Variants in PRLR observed in about 807,000 individuals in gnomAD.
PRLR encodes the protein hPRL receptor.
A neutral mutation model predicts 40.2 loss-of-function variants in PRLR; 13 were observed. The observed-to-expected ratio is 0.32, with a 90% confidence interval of 0.21 to 0.51. The LOEUF is 0.51. PRLR is among the 20% of genes least tolerant of loss of function. The probability of loss-of-function intolerance (pLI) is 0.97; values close to 1 mark genes in which losing one functional copy is unlikely to be tolerated. For missense variants in PRLR, 656 were observed against 747.3 expected, an observed-to-expected ratio of 0.88 and a Z score of 1.42; for synonymous variants, 269 against 278.7, an observed-to-expected ratio of 0.97 and a Z score of 0.35.
chr5:35,171,375 G>T (rs1474723121), intron 1 of PRLR, among the ~76,000 whole-genome samples: 1 of 152,158 alleles, frequency 6.6e-6, no homozygotes, highest in Non-Finnish European at 1.5e-5. Context: ...TAAAACTTGA[G>T]CCTGCCCAGC....
chr5:35,067,996 C>T (rs929724286), intron 9 of PRLR, among the ~76,000 whole-genome samples: 2 of 152,134 alleles, frequency 1.3e-5, no homozygotes, highest in Non-Finnish European at 2.9e-5. Context: ...TCCATGTTTT[C>T]TTGGCTTTCT....
intron 5 of PRLR, among the ~76,000 whole-genome samples, chr5:35,082,635 C>A (rs1166493420): frequency 6.6e-6 from 1 of 152,198 alleles, no homozygotes; most frequent in East Asian, 1.9e-4. Flanking sequence ...TAAGTGTTTT[C>A]AATGTAACTA....
intron 1 of PRLR, among the ~76,000 whole-genome samples, chr5:35,214,292 T>C (rs901971788): frequency 6.6e-6 from 1 of 152,214 alleles, no homozygotes; most frequent in African/African-American, 2.4e-5. Context: ...GCTCTTCAGA[T>C]AGTATTTGGC....
rs138640081 is a variant in PRLR, at chr5:35,065,283, C to T, written c.1675G>A (p.Val559Met). The T allele has an allele frequency of 3.1e-6, 5 of 1,614,040 alleles. No homozygotes were observed. Among genetic ancestry groups the T allele is most frequent in the African/African-American group, 2.7e-5 (2 of 74,918 alleles). The change falls in exon 10 of 10, where the codon GTG becomes ATG. Residue 559 changes from valine (V) to methionine (M), a missense_variant. This residue lies in a region of PRLR where 469 missense variants were observed against 491.5 expected (regional missense o/e 0.95). Transcript: ENST00000618457. ...TTAGCATGTGGATCTGGCACCAACACCAGGATGTTGTTATCCATGACCCCG... is the reference window on the plus strand; with the variant it reads ...TTAGCATGTGGATCTGGCACCAACATCAGGATGTTGTTATCCATGACCCCG... ...VSGVMDNNIL[V>M]LVPDPHAKNV...
chr5:35,068,953 TC>T, intron 7 of PRLR, 75 bp from the exon 8 acceptor site: 1 of 1,100,712 alleles, frequency 9.1e-7, no homozygotes. Flanking sequence ...TGAATGAAAC[TC>T]TTAAACCCAA....
intron 1 of PRLR, among the ~76,000 whole-genome samples, chr5:35,228,588 C>T (rs531406544): frequency 1.8e-4 from 27 of 152,308 alleles, no homozygotes; most frequent in South Asian, 2.1e-4. Flanking sequence ...ATTCAGACAG[C>T]GATCCTCTTT....
rs1769328578 is a variant in PRLR at position 35,065,777 on chromosome 5, G to A, written c.1181C>T (p.Pro394Leu). The A allele has an allele frequency of 1.2e-6, 2 of 1,614,138 alleles. No homozygotes were observed. The highest frequency in any genetic ancestry group is 1.1e-5 in the South Asian group (1 of 91,082). Reference sequence around the variant, plus strand: ...TTTGCCTTCCATGCTTATGCACTGGGGGTCCCAGGTGTGGGTTGTTTCAGG... The same window carrying A: ...TTTGCCTTCCATGCTTATGCACTGGAGGTCCCAGGTGTGGGTTGTTTCAGG... ...ENPETTHTWD[P>L]QCISMEGKIP... Residue 394 changes from proline (P) to leucine (L), a missense_variant, in exon 10 of 10, where the codon CCC becomes CTC. By Grantham distance (98) the Pro-to-Leu change is moderately conservative (BLOSUM62 -3). Transcript: ENST00000618457.
chr5:35,079,294 T>C (rs1770337937), intron 5 of PRLR, among the ~76,000 whole-genome samples: 2 of 152,204 alleles, frequency 1.3e-5, no homozygotes, highest in African/African-American at 4.8e-5. Context: ...GACATGATTG[T>C]ACGTTTAGAA....
intron 3 of PRLR, among the ~76,000 whole-genome samples, chr5:35,088,169 G>A (rs979256942): frequency 1.3e-5 from 2 of 152,188 alleles, no homozygotes; most frequent in Non-Finnish European, 2.9e-5. Flanking sequence ...CAGGACACCA[G>A]GCTAGTAGTG....
At chr5:35,175,029 T>C (rs142827420) in intron 1 of PRLR, among the ~76,000 whole-genome samples, 412 of 152,322 alleles carry the variant, frequency 2.7e-3, no homozygotes, top group African/African-American at 9.3e-3. Context: ...TTCCCATACT[T>C]TTAGGTATCA....
In PRLR at chr5:35,049,127, G is replaced by A. The variant is rs1377496905; in HGVS notation, c.*160C>T. On this transcript the variant is annotated 3_prime_UTR_variant, in exon 9 of 9. Coordinates refer to the PRLR transcript ENST00000231423. ...TCAATTCTGCTTTGGGGGCAGTAGG[G>A]AGTGATCATATGAGCTGGCTGGTCA... 4 of 695,866 alleles carry A rather than the reference G, an allele frequency of 5.7e-6. No homozygotes were observed. The East Asian group carries it at 1.1e-4, about 19-fold the overall frequency. 43.1% of individuals were successfully genotyped at this position (695,866 alleles called of 1,614,324 possible). A position where few individuals can be genotyped will look rare whatever the true frequency, so the allele number is the denominator to read the frequency against.
At chr5:35,136,958 A>T (rs1429466553) in intron 1 of PRLR, among the ~76,000 whole-genome samples, 1 of 152,268 alleles carries the variant, frequency 6.6e-6, no homozygotes, top group South Asian at 2.1e-4. Flanking sequence ...AAGAAAAAAA[A>T]AAAAGCCTAG....
intron 1 of PRLR, among the ~76,000 whole-genome samples, chr5:35,175,405 T>C (rs114482463): frequency 0.012 from 1,765 of 152,320 alleles, 31 homozygotes; most frequent in African/African-American, 0.041. Context: ...GTAAGTCCAT[T>C]ACACCTGTTT....
At chr5:35,117,960 T>C (rs1263515070) in intron 2 of PRLR, 101 bp downstream of exon 2, 1 of 555,342 alleles carries the variant, frequency 1.8e-6, no homozygotes, top group Non-Finnish European at 2.3e-6. Flanking sequence ...TTTGAGATGA[T>C]ATTCTGTAAA....
chr5:35,103,200 G>A (rs1317745701), intron 2 of PRLR, among the ~76,000 whole-genome samples: 2 of 152,160 alleles, frequency 1.3e-5, no homozygotes, highest in Non-Finnish European at 2.9e-5. Context: ...TTTAAATAGT[G>A]ATGCATTTCT....
intron 1 of PRLR, among the ~76,000 whole-genome samples, chr5:35,172,309 T>G (rs1314045250): frequency 6.6e-6 from 1 of 152,128 alleles, no homozygotes; most frequent in African/African-American, 2.4e-5. Flanking sequence ...GTGGACTGCA[T>G]CTAGGGGCTC....
chr5:35,174,341 C>T (rs867721975), intron 1 of PRLR, among the ~76,000 whole-genome samples: 49 of 152,274 alleles, frequency 3.2e-4, no homozygotes, highest in Admixed American at 6.5e-4. Flanking sequence ...CCACCCGCCT[C>T]GGCCTCCCAA....
At chr5:35,180,809 C>T (rs562201322) in intron 1 of PRLR, among the ~76,000 whole-genome samples, 2 of 152,214 alleles carry the variant, frequency 1.3e-5, no homozygotes, top group East Asian at 1.9e-4. Flanking sequence ...TTGTTCAATT[C>T]GCACCTATGA....
chr5:35,209,080 A>G (rs147175422), intron 1 of PRLR, among the ~76,000 whole-genome samples: 132 of 152,250 alleles, frequency 8.7e-4, no homozygotes, highest in African/African-American at 3.1e-3. Context: ...AAAAATATGT[A>G]TACAATCTAT....
Sources: gnomAD v4.1 joint callset for allele counts (sites outside exome capture counted in the v4.1 genomes callset) on GRCh38, gnomAD v4.1.1 for gene constraint, gnomAD v4.1.1 regional missense constraint, MANE v1.5 for transcripts, NCBI Gene and HGNC (gene_info 2026-07-23, HGNC 2026-07-21) for gene names.